PIP5K1B: variants seen among roughly 807,000 people sequenced by gnomAD.
PIP5K1B encodes the protein phosphatidylinositol 4-phosphate 5-kinase type-1 beta.
Under a neutral mutation model 67.0 loss-of-function variants are expected in PIP5K1B, and 42 were observed. The observed-to-expected ratio is 0.63, with a 90% CI of 0.49 to 0.81. PIP5K1B has a LOEUF of 0.81. PIP5K1B is among the 30% of genes least tolerant of loss of function. PIP5K1B has a pLI of 0.00. For synonymous variants in PIP5K1B, 214 were observed against 231.4 expected, an observed-to-expected ratio of 0.92 and a Z score of 0.68; for missense variants, 459 against 646.3, an observed-to-expected ratio of 0.71 and a Z score of 3.14.
At chr9:68,886,178 GA>G (rs879609239) in intron 6 of PIP5K1B, among the ~76,000 whole-genome samples, 57 of 140,114 alleles carry the variant, frequency 4.1e-4, no homozygotes, top group Non-Finnish European at 4.2e-4. Context: ...GACTCCGTCT[GA>G]AAAAAAAAAA....
chr9:68,859,570 G>T (rs928996193), intron 4 of PIP5K1B, among the ~76,000 whole-genome samples: 1 of 152,196 alleles, frequency 6.6e-6, no homozygotes, highest in African/African-American at 2.4e-5. Flanking sequence ...CACTTTTAGA[G>T]CATATGCCAA....
intron 2 of PIP5K1B, among the ~76,000 whole-genome samples, chr9:68,792,007 T>A (rs1223162359): frequency 1.3e-5 from 2 of 150,018 alleles, no homozygotes; most frequent in East Asian, 3.8e-4. Context: ...CCCTGCCAAC[T>A]GTTTTTCCTT....
intron 14 of PIP5K1B, among the ~76,000 whole-genome samples, chr9:68,990,095 C>T (rs117177005): frequency 2.1e-4 from 32 of 152,324 alleles, no homozygotes; most frequent in Non-Finnish European, 3.5e-4. Context: ...ATACTGTCTA[C>T]CTGCATTCCT....
intron 12 of PIP5K1B, among the ~76,000 whole-genome samples, chr9:68,925,062 A>G (rs1206121199): frequency 6.6e-6 from 1 of 152,098 alleles, no homozygotes. Context: ...ATATCATTGT[A>G]TATTCTACAA....
chr9:68,767,556 T>C (rs1160388480), intron 2 of PIP5K1B, among the ~76,000 whole-genome samples: 1 of 141,724 alleles, frequency 7.1e-6, no homozygotes, highest in Admixed American at 7.4e-5. Context: ...ACTGCGCCAC[T>C]GCACTCCAGC....
rs565820344 is a variant in PIP5K1B, at chr9:68,850,223, A to T, written c.70-13614A>T. Among the ~76,000 whole-genome samples, 3 of 152,328 alleles carry T rather than the reference A, an allele frequency of 2.0e-5. No individual in the cohort carries two copies. In the South Asian group the frequency reaches 6.2e-4, roughly 32 times the overall value. ...CACACCCCTTCCTGGTGAGGACGTG[A>T]CCTAGGAGTCGGACACATCATTTCC... On this transcript the variant is annotated intron_variant, in intron 4 of 15. Coordinates refer to ENST00000265382, the MANE Select transcript of PIP5K1B (RefSeq NM_003558.4).
At chr9:68,870,736 C>G (rs1823588079) in intron 5 of PIP5K1B, among the ~76,000 whole-genome samples, 1 of 152,318 alleles carries the variant, frequency 6.6e-6, no homozygotes, top group South Asian at 2.1e-4. Flanking sequence ...AAGCACCCTT[C>G]ATTTATCCTG....
intron 12 of PIP5K1B, among the ~76,000 whole-genome samples, chr9:68,932,316 C>T (rs988539563): frequency 6.6e-6 from 1 of 152,174 alleles, no homozygotes; most frequent in African/African-American, 2.4e-5. Context: ...GGCCACATTA[C>T]ACCCTTAAAA....
intron 4 of PIP5K1B, among the ~76,000 whole-genome samples, chr9:68,863,433 A>G (rs1823204890): frequency 1.3e-5 from 2 of 152,314 alleles, no homozygotes; most frequent in South Asian, 2.1e-4. Flanking sequence ...ACACACGCAC[A>G]CACACACGTA....
rs528957585 is a variant in PIP5K1B at position 68,717,887 on chromosome 9, C to T, written c.-243+12125C>T. Among the ~76,000 whole-genome samples, 309 of 152,240 alleles carry T rather than the reference C, an allele frequency of 2.0e-3. 6 individuals carry two copies. Among genetic ancestry groups the T allele is most frequent in the African/African-American group, 7.2e-3 (298 of 41,518 alleles). On this transcript the variant is annotated intron_variant, in intron 1 of 15. Transcript: ENST00000265382. ...ACTTAGCCATACCACATGAAATGTC[C>T]TCTGTTATTTTCTGTTGTGTTCCCT...
At chr9:68,916,957 A>T (rs1826128695) in intron 8 of PIP5K1B, among the ~76,000 whole-genome samples, 2 of 152,166 alleles carry the variant, frequency 1.3e-5, no homozygotes. Context: ...CATAGAAAAG[A>T]TACATTCAGC....
intron 14 of PIP5K1B, among the ~76,000 whole-genome samples, chr9:68,949,965 C>T (rs1052741677): frequency 1.3e-5 from 2 of 152,244 alleles, no homozygotes; most frequent in Non-Finnish European, 2.9e-5. Context: ...TTGGTTTACA[C>T]TTCCGCTTGT....
intron 12 of PIP5K1B, among the ~76,000 whole-genome samples, chr9:68,933,137 C>T (rs1827085365): frequency 6.6e-6 from 1 of 151,276 alleles, no homozygotes; most frequent in South Asian, 2.1e-4. Flanking sequence ...TTTTAAAATA[C>T]TATATTGAAA....
At chr9:68,906,277 C>T (rs1825606853) in intron 8 of PIP5K1B, among the ~76,000 whole-genome samples, 2 of 152,300 alleles carry the variant, frequency 1.3e-5, no homozygotes, top group South Asian at 4.2e-4. Flanking sequence ...CCTTGGCCTG[C>T]CAAAGTGCTG....
intron 4 of PIP5K1B, among the ~76,000 whole-genome samples, chr9:68,838,072 T>G (rs143683124): frequency 2.0e-5 from 3 of 148,988 alleles, no homozygotes; most frequent in East Asian, 2.0e-4. Flanking sequence ...TGTTTTGAGG[T>G]TTTTTTTTTC....
chr9:68,794,070 A>T (rs1378776554), intron 2 of PIP5K1B, among the ~76,000 whole-genome samples: 1 of 152,218 alleles, frequency 6.6e-6, no homozygotes, highest in Non-Finnish European at 1.5e-5. Flanking sequence ...AGTGAGATGA[A>T]GTCTAATCAC....
chr9:68,961,171 C>CTG (rs1218773800), intron 14 of PIP5K1B, among the ~76,000 whole-genome samples: 1 of 149,920 alleles, frequency 6.7e-6, no homozygotes, highest in Non-Finnish European at 1.5e-5. Flanking sequence ...GATTGCGCCA[C>CTG]TGCAGTCCGC....
chr9:68,718,351 G>T (rs915736630), intron 1 of PIP5K1B, among the ~76,000 whole-genome samples: 1 of 152,144 alleles, frequency 6.6e-6, no homozygotes, highest in Non-Finnish European at 1.5e-5. Flanking sequence ...TCACCCTAAA[G>T]TTCACACTAA....
intron 4 of PIP5K1B, among the ~76,000 whole-genome samples, chr9:68,823,299 T>C (rs1205104340): frequency 6.6e-6 from 1 of 152,088 alleles, no homozygotes; most frequent in African/African-American, 2.4e-5. Flanking sequence ...ATATAGAATA[T>C]TGAGTGAAGA....
Sources: gnomAD v4.1 joint callset for allele counts (sites outside exome capture counted in the v4.1 genomes callset) on GRCh38, gnomAD v4.1.1 for gene constraint, MANE v1.5 for transcripts, NCBI Gene and HGNC (gene_info 2026-07-23, HGNC 2026-07-21) for gene names.